Variants in SAMD5 observed in about 807,000 individuals in gnomAD.
SAMD5 encodes the protein sterile alpha motif domain-containing protein 5.
Under a neutral mutation model 11.3 loss-of-function variants are expected in SAMD5, and 13 were observed. That is an observed-to-expected ratio of 1.15 (90% CI 0.75 to 1.83). The LOEUF is 1.83. Ranked by LOEUF, SAMD5 falls within the 40% of genes most tolerant of loss-of-function variation. The pLI, the probability that SAMD5 is intolerant of heterozygous loss-of-function variation, is 0.00. For synonymous variants in SAMD5, 129 were observed against 111.3 expected (o/e 1.16, Z -1.00); for missense variants, 255 against 239.1 (o/e 1.07, Z -0.44).
the SAMD5 span, among the ~76,000 whole-genome samples, chr6:147,839,227 C>G: frequency 2.8e-4 from 42 of 152,294 alleles, no homozygotes; most frequent in Non-Finnish European, 5.1e-4. Context: ...GGGACCACAT[C>G]CTATTCTTTT....
At chr6:147,588,527 T>A (rs1583096883) in intron 1 of SAMD5, among the ~76,000 whole-genome samples, 1 of 151,964 alleles carries the variant, frequency 6.6e-6, no homozygotes, top group African/African-American at 2.4e-5. Flanking sequence ...GGTCTCATCA[T>A]GTTGGCCAGG....
At chr6:147,736,037 A>T (rs1416065598) in intron 1 of SAMD5, among the ~76,000 whole-genome samples, 2 of 152,158 alleles carry the variant, frequency 1.3e-5, no homozygotes, top group Non-Finnish European at 2.9e-5. Flanking sequence ...ATGTGTATTA[A>T]GGTCCTACCA....
the SAMD5 span, among the ~76,000 whole-genome samples, chr6:147,913,393 A>C: frequency 6.6e-6 from 1 of 152,186 alleles, no homozygotes; most frequent in Non-Finnish European, 1.5e-5. Context: ...AGGAAGAAGA[A>C]TCATACAAAT....
chr6:147,948,896 C>T, the SAMD5 span, among the ~76,000 whole-genome samples: 1 of 152,084 alleles, frequency 6.6e-6, no homozygotes, highest in Non-Finnish European at 1.5e-5. Context: ...TTTAAATAAC[C>T]CATATGGGAT....
the SAMD5 span, among the ~76,000 whole-genome samples, chr6:147,916,946 T>C: frequency 9.3e-3 from 1,395 of 149,362 alleles, 18 homozygotes; most frequent in African/African-American, 0.033. Context: ...TTTCTTAATC[T>C]AGTCTATCAT....
At chr6:147,935,023 A>G in the SAMD5 span, among the ~76,000 whole-genome samples, 28 of 152,304 alleles carry the variant, frequency 1.8e-4, no homozygotes, top group Middle Eastern at 3.4e-3. Context: ...GGCAGCAGCT[A>G]CATTAAACAA....
chr6:147,705,983 T>C (rs1049709155), intron 1 of SAMD5, among the ~76,000 whole-genome samples: 6 of 152,190 alleles, frequency 3.9e-5, no homozygotes, highest in Admixed American at 3.9e-4. Context: ...AAAGATGATT[T>C]TTGTATGTTT....
chr6:147,943,242 G>C, the SAMD5 span, among the ~76,000 whole-genome samples: 3 of 152,158 alleles, frequency 2.0e-5, no homozygotes, highest in African/African-American at 7.2e-5. Context: ...TGTGTTTTTA[G>C]ATGTCATCTT....
rs962858763 is a variant in SAMD5 at position 147,616,223 on chromosome 6, A to G, written c.162+106836A>G. Among the ~76,000 whole-genome samples, 21 of 131,288 alleles carry G rather than the reference A, an allele frequency of 1.6e-4. 1 individual carries two copies. The highest frequency in any genetic ancestry group is 2.9e-4 in the Non-Finnish European group (19 of 65,958). The allele number at this position is 131,288 out of a possible 152,430, so 86.1% of individuals were successfully genotyped here. A position where few individuals can be genotyped will look rare whatever the true frequency, so the allele number is the denominator to read the frequency against. ...ATTTATTCATATATACTTCATATAT[A>G]TTTATTCATATATACTTCATATATA... On this transcript the variant is annotated intron_variant, in intron 1 of 1. Coordinates refer to the SAMD5 transcript ENST00000566741.
At chr6:147,763,328 T>C in the SAMD5 span, among the ~76,000 whole-genome samples, 10 of 151,492 alleles carry the variant, frequency 6.6e-5, no homozygotes, top group South Asian at 1.9e-3. Context: ...CCTGGCTAAT[T>C]TTTTTGTGTG....
chr6:147,935,574 G>T, the SAMD5 span, among the ~76,000 whole-genome samples: 1 of 152,056 alleles, frequency 6.6e-6, no homozygotes, highest in Admixed American at 6.6e-5. Flanking sequence ...TATTAAAGCA[G>T]AATTTTTAAG....
intron 1 of SAMD5, among the ~76,000 whole-genome samples, chr6:147,662,048 C>T (rs1318395406): frequency 1.3e-5 from 2 of 152,344 alleles, no homozygotes; most frequent in Middle Eastern, 3.4e-3. Context: ...TGTTTCACAT[C>T]TTCACAAAAA....
chr6:147,870,433 T>TAG, the SAMD5 span, among the ~76,000 whole-genome samples: 1 of 120,878 alleles, frequency 8.3e-6, no homozygotes, highest in African/African-American at 3.2e-5. Flanking sequence ...TCCCCTTTGG[T>TAG]GTGTGTGTGT....
chr6:147,602,272 G>A (rs1789629603), intron 1 of SAMD5, among the ~76,000 whole-genome samples: 1 of 152,128 alleles, frequency 6.6e-6, no homozygotes, highest in Non-Finnish European at 1.5e-5. Flanking sequence ...CCAAACAACT[G>A]GACTGGAAGG....
chr6:147,550,715 A>G (rs1355052776), intron 1 of SAMD5, among the ~76,000 whole-genome samples: 1 of 151,830 alleles, frequency 6.6e-6, no homozygotes, highest in African/African-American at 2.4e-5. Context: ...TGTACAATAG[A>G]CCTAGAATGT....
chr6:147,593,694 G>C (rs1399441915), intron 1 of SAMD5, among the ~76,000 whole-genome samples: 1 of 152,124 alleles, frequency 6.6e-6, no homozygotes, highest in Non-Finnish European at 1.5e-5. Context: ...ATGCATCAAA[G>C]TTAGACTCTG....
downstream of SAMD5, among the ~76,000 whole-genome samples, chr6:147,573,073 A>G (rs112759816): frequency 1.1e-4 from 16 of 152,320 alleles, no homozygotes; most frequent in African/African-American, 3.1e-4. Context: ...TGCAGTCATT[A>G]TGTGTCTTGT....
At chr6:147,679,819 T>TTG (rs374090513) in intron 1 of SAMD5, among the ~76,000 whole-genome samples, 17,083 of 151,308 alleles carry the variant, frequency 0.11, 1,022 homozygotes, top group African/African-American at 0.15. Flanking sequence ...TTTTTTTTTT[T>TTG]CATGTGGGTA....
chr6:147,618,589 T>G (rs558453655), intron 1 of SAMD5, among the ~76,000 whole-genome samples: 4 of 152,302 alleles, frequency 2.6e-5, no homozygotes, highest in African/African-American at 9.6e-5. Context: ...GCAGGGTGAC[T>G]GTCACCTCTG....
Sources: allele counts gnomAD v4.1 joint callset (sites outside exome capture counted in the v4.1 genomes callset), GRCh38; gene constraint gnomAD v4.1.1; transcripts MANE v1.5; gene names NCBI Gene and HGNC (gene_info 2026-07-23, HGNC 2026-07-21).